The following SLC12A4 variants were observed in gnomAD, a reference collection of about 807,000 sequenced individuals.
SLC12A4 encodes solute carrier family 12 member 4.
In SLC12A4, 84 loss-of-function variants were observed where a neutral mutation model predicts 119.2. The ratio of observed to expected loss-of-function variants is 0.70; its 90% CI spans 0.59 to 0.85. The LOEUF (loss-of-function observed/expected upper bound fraction) is 0.85, where lower values mean the gene tolerates loss of function less well. Among genes scored for constraint, SLC12A4 ranks in the 40% least tolerant of loss-of-function variants. SLC12A4 has a pLI of 0.00. For missense variants in SLC12A4, 1,298 were observed against 1,476.3 expected (o/e 0.88, Z 1.98); for synonymous variants, 599 against 604.6 (o/e 0.99, Z 0.14).
At chr16:67,959,340 A>T (rs757246389) in intron 3 of SLC12A4, among the ~76,000 whole-genome samples, 9 of 152,104 alleles carry the variant, frequency 5.9e-5, no homozygotes, top group African/African-American at 2.2e-4. Flanking sequence ...GATCCAAAGG[A>T]CTAGATTAGT....
At chr16:67,957,169 A>ATT (rs34469845) in intron 5 of SLC12A4, among the ~76,000 whole-genome samples, 69 of 120,774 alleles carry the variant, frequency 5.7e-4, no homozygotes, top group Admixed American at 3.1e-3. Flanking sequence ...TGCCTGGCTA[A>ATT]TTTTTTTTTT....
chr16:67,962,005 C>T (rs189699123), intron 2 of SLC12A4, among the ~76,000 whole-genome samples: 126 of 152,230 alleles, frequency 8.3e-4, no homozygotes, highest in Non-Finnish European at 1.3e-3. Flanking sequence ...GGGAAGAACA[C>T]GGCTGGCAGG....
At position 67,946,556 on chromosome 16, in the gene SLC12A4, C is replaced by G. The variant is rs1190023832; in HGVS notation, c.2319G>C (p.Gly773=). Residue 773 remains glycine (G), a synonymous_variant, in exon 18 of 24, where the codon GGG becomes GGC. Coordinates refer to ENST00000316341, the MANE Select transcript of SLC12A4 (RefSeq NM_005072.5). ...QVVVASKVRE[G]LAHLIQSCGL... The stretch of plus-strand genomic sequence containing the variant: ...CACAGGACTGGATGAGGTGGGCCAG[C>G]CCCTCCCGCACCTTGCTGGCCACCA... 1 of 1,612,222 alleles carries G rather than the reference C, an allele frequency of 6.2e-7. No individual in the cohort carries two copies. Among genetic ancestry groups the G allele is most frequent in the Non-Finnish European group, 8.5e-7 (1 of 1,180,020 alleles).
Position 67,963,445 on chromosome 16 carries a change from CA to C in SLC12A4, c.210+19del. The C allele has an allele frequency of 1.3e-6, 2 of 1,551,360 alleles. No individual in the cohort carries two copies. Among genetic ancestry groups the C allele is most frequent in the South Asian group, 1.2e-5 (1 of 82,376 alleles). The stretch of plus-strand genomic sequence containing the variant: ...GCCTCTGTGTGCCAAACCTGTGGCC[CA>C]AAATGGCTCCTCAGCTACCTCAAAC... On this transcript the variant is annotated intron_variant, in intron 2 of 23. Transcript: ENST00000316341.
intron 17 of SLC12A4, 41 bp downstream of exon 17, chr16:67,946,896 C>T: frequency 6.3e-7 from 1 of 1,596,424 alleles, no homozygotes; most frequent in African/African-American, 1.3e-5. Flanking sequence ...CAGTCCAGAC[C>T]CCTGTAGTCT....
At position 67,950,834 on chromosome 16, in the gene SLC12A4, G is replaced by T; in HGVS notation, c.1397-123C>A. 1.4e-6 allele frequency: 2 copies of T among 1,421,174 alleles called. No homozygotes were observed. The highest frequency in any genetic ancestry group is 2.0e-6 in the Non-Finnish European group (2 of 1,023,876). 88.0% of individuals were successfully genotyped at this position (1,421,174 alleles called of 1,614,324 possible). A position where few individuals can be genotyped will look rare whatever the true frequency, so the allele number is the denominator to read the frequency against. On this transcript the variant is annotated intron_variant, in intron 10 of 23. Coordinates refer to ENST00000316341, the MANE Select transcript of SLC12A4 (RefSeq NM_005072.5). The surrounding 1 kb of genome is among the most constrained non-coding windows in gnomAD (Gnocchi z 4.3). ...GCTGGGAGTCTCGTGGTGTGTATGT[G>T]CATGTGTGCATGAGAAGGGGAGCTA... is the stretch of plus-strand genomic sequence containing the variant.
Position 67,954,789 on chromosome 16 carries a change from G to C in SLC12A4, c.545-16C>G, listed in dbSNP as rs755727280. On this transcript the variant is annotated splice_polypyrimidine_tract_variant and intron_variant, in intron 5 of 23. Coordinates refer to ENST00000316341, the MANE Select transcript of SLC12A4 (RefSeq NM_005072.5). Reference sequence around the variant, plus strand: ...GAGCCCCCAGCTACAGCAGAGAAATGAAAGTGTGCACAGGTCAAGGCTGGT... The same window carrying C: ...GAGCCCCCAGCTACAGCAGAGAAATCAAAGTGTGCACAGGTCAAGGCTGGT... 1.9e-6 allele frequency: 3 copies of C among 1,614,032 alleles called. No homozygotes were observed. The highest frequency in any genetic ancestry group is 2.2e-5 in the South Asian group (2 of 91,076).
intron 13 of SLC12A4, among the ~76,000 whole-genome samples, chr16:67,948,408 C>T (rs2058376556): frequency 1.3e-5 from 2 of 152,168 alleles, no homozygotes; most frequent in Non-Finnish European, 1.5e-5. Flanking sequence ...AGGGGAGTAA[C>T]AGGGCAGAGC....
At chr16:67,964,553 C>T (rs558609199) in intron 1 of SLC12A4, among the ~76,000 whole-genome samples, 1 of 152,262 alleles carries the variant, frequency 6.6e-6, no homozygotes, top group Admixed American at 6.5e-5. Context: ...CCCAGCTACC[C>T]TCGCAGCCCC....
chr16:67,961,857 C>T (rs1287837008), intron 2 of SLC12A4, 151 bp from the exon 3 acceptor site: 3 of 1,015,428 alleles, frequency 3.0e-6, no homozygotes, highest in Non-Finnish European at 4.3e-6. Context: ...AGCCATCCAA[C>T]TGGACAGGTG....
intron 1 of SLC12A4, chr16:67,963,844 G>C (rs923699716): frequency 5.0e-5 from 76 of 1,505,650 alleles, no homozygotes; most frequent in Non-Finnish European, 6.1e-5. Flanking sequence ...ACTGAGGGAC[G>C]GGGCCTGCAG....
chr16:67,966,629 T>C, intron 1 of SLC12A4: 1 of 1,300,198 alleles, frequency 7.7e-7, no homozygotes, highest in Non-Finnish European at 1.1e-6. Flanking sequence ...CAAGCCCATC[T>C]AGGCCTCCCA....
At position 67,947,243 on chromosome 16, in the gene SLC12A4, A is replaced by T. The variant is rs902548123; in HGVS notation, c.2072+88T>A. Reference sequence around the variant, plus strand: ...GGAGGGTGCCCCGGGCAGCCCCAGGATGGGGAGCCGGCACCTCTCGACCCT... The same window carrying T: ...GGAGGGTGCCCCGGGCAGCCCCAGGTTGGGGAGCCGGCACCTCTCGACCCT... On this transcript the variant is annotated intron_variant, in intron 16 of 23. Coordinates refer to ENST00000316341, the MANE Select transcript of SLC12A4 (RefSeq NM_005072.5). 7.3e-6 allele frequency: 11 copies of T among 1,497,588 alleles called. No homozygotes were observed. The African/African-American group carries it at 9.7e-5, about 13-fold the overall frequency. 92.8% of individuals were successfully genotyped at this position (1,497,588 alleles called of 1,614,324 possible).
chr16:67,950,287 G>T lies in SLC12A4; in HGVS notation c.1629+32C>A. ...CCAGCCGGGCGAGGGCCTGGGAGCA[G>T]CCAGGCCATGGGGGAGTGCAGAGGG... On this transcript the variant is annotated intron_variant, in intron 12 of 23. Transcript: ENST00000316341. The surrounding 1 kb of genome is among the most constrained non-coding windows in gnomAD (Gnocchi z 4.3). The T allele has an allele frequency of 6.2e-7, 1 of 1,602,318 alleles. No homozygotes were observed. The highest frequency in any genetic ancestry group is 8.5e-7 in the Non-Finnish European group (1 of 1,172,816).
Position 67,943,737 on chromosome 16 carries a change from C to T in SLC12A4, c.*1103G>A. ...CACCCCGTCCCCCACTCCGCCCCCCCTGGGTTAGACAACTGAGAGTCACAG... is the reference window on the plus strand; with the variant it reads ...CACCCCGTCCCCCACTCCGCCCCCCTTGGGTTAGACAACTGAGAGTCACAG... On this transcript the variant is annotated 3_prime_UTR_variant, in exon 24 of 24. Transcript: ENST00000316341. The surrounding 1 kb of genome is among the most constrained non-coding windows in gnomAD (Gnocchi z 4.6). 1 of 587,150 alleles carries T rather than the reference C, an allele frequency of 1.7e-6. No homozygotes were observed. The highest frequency in any genetic ancestry group is 3.0e-6 in the Non-Finnish European group (1 of 337,214). The allele number at this position is 587,150 out of a possible 1,614,324, so 36.4% of individuals were successfully genotyped here.
At chr16:67,957,635 C>T in intron 5 of SLC12A4, 107 bp downstream of exon 5, 2 of 1,316,218 alleles carry the variant, frequency 1.5e-6, no homozygotes, top group Non-Finnish European at 2.2e-6. Context: ...TGGGAGCCCA[C>T]TACAGAACTG....
At chr16:67,945,043 A>G in intron 23 of SLC12A4, 44 bp downstream of exon 23, 1 of 1,587,184 alleles carries the variant, frequency 6.3e-7, no homozygotes, top group Non-Finnish European at 8.6e-7. Flanking sequence ...TTGACCTCCC[A>G]TGCTATCCAC....
chr16:67,963,565 AAG>A lies in SLC12A4; in HGVS notation c.116-8_116-7del, dbSNP rs1258826774. On this transcript the variant is annotated splice_polypyrimidine_tract_variant and splice_region_variant and intron_variant, in intron 1 of 23. Coordinates refer to ENST00000316341, the MANE Select transcript of SLC12A4 (RefSeq NM_005072.5). The stretch of plus-strand genomic sequence containing the variant: ...CTCTCTGTGGTTGCCATGTCCTGTG[AAG>A]AGAGAGGGACAATCAGGGCCTGCTT... 1.3e-6 allele frequency: 2 copies of A among 1,560,372 alleles called. No individual in the cohort carries two copies. The highest frequency in any genetic ancestry group is 2.3e-5 in the East Asian group (1 of 44,064).
intron 21 of SLC12A4, 51 bp from the exon 22 acceptor site, chr16:67,945,604 G>C: frequency 6.3e-7 from 1 of 1,578,212 alleles, no homozygotes; most frequent in South Asian, 1.2e-5. Context: ...AAGGGGGATG[G>C]GGCCTGTCTG....
Sources: allele counts gnomAD v4.1 joint callset (sites outside exome capture counted in the v4.1 genomes callset), GRCh38; gene constraint gnomAD v4.1.1; non-coding constraint Gnocchi (gnomAD v3.1); transcripts MANE v1.5; gene names NCBI Gene and HGNC (gene_info 2026-07-23, HGNC 2026-07-21).